The following MTCL1 variants were observed in gnomAD, a reference collection of about 807,000 sequenced individuals.
MTCL1 encodes microtubule crosslinking factor 1.
MTCL1 carries 79 observed loss-of-function variants against 141.4 expected under a neutral mutation model. The observed-to-expected ratio is 0.56, with a 90% CI of 0.47 to 0.67. MTCL1 has a LOEUF of 0.67. Among genes scored for constraint, MTCL1 ranks in the 30% least tolerant of loss-of-function variants. The probability of loss-of-function intolerance (pLI) is 0.00; values close to 1 mark genes in which losing one functional copy is unlikely to be tolerated. For synonymous variants in MTCL1, 914 were observed against 875.8 expected, an observed-to-expected ratio of 1.04 and a Z score of -0.77; for missense variants, 2,177 against 2,113.9, an observed-to-expected ratio of 1.03 and a Z score of -0.59.
chr18:8,706,453 G>A, exon 1 of MTCL1: 2 of 1,235,512 alleles, frequency 1.6e-6, no homozygotes, highest in Non-Finnish European at 2.0e-6. Context: ...GGGCAGCCCC[G>A]AGCCCCCAGC....
At chr18:8,792,946 TCAGG>T (rs1555659841) in intron 7 of MTCL1, 48 bp from the exon 7 acceptor site, 3 of 1,605,926 alleles carry the variant, frequency 1.9e-6, no homozygotes, top group Non-Finnish European at 2.6e-6. Context: ...CGTCGTCACC[TCAGG>T]CAGAGTTCTC....
At chr18:8,720,556 C>T in intron 4 of MTCL1, 60 bp downstream of exon 3, 1 of 1,515,832 alleles carries the variant, frequency 6.6e-7, no homozygotes, top group Non-Finnish European at 8.9e-7. Flanking sequence ...GCTTGGAACT[C>T]CAAGTGCCCC....
At chr18:8,735,782 C>T (rs961665493) in intron 4 of MTCL1, among the ~76,000 whole-genome samples, 6 of 152,140 alleles carry the variant, frequency 3.9e-5, no homozygotes, top group Non-Finnish European at 2.9e-5. Context: ...GCACACCTCC[C>T]CTTGAGAAAC....
chr18:8,722,384 C>A (rs181685885), intron 4 of MTCL1, among the ~76,000 whole-genome samples: 1 of 152,072 alleles, frequency 6.6e-6, no homozygotes, highest in Non-Finnish European at 1.5e-5. Flanking sequence ...CACAGCAAGA[C>A]CCTGTTTCTT....
chr18:8,753,836 C>CATG (rs2096384000), intron 4 of MTCL1, among the ~76,000 whole-genome samples: 1 of 152,044 alleles, frequency 6.6e-6, no homozygotes, highest in Admixed American at 6.6e-5. Context: ...GTAAGAGGCC[C>CATG]ATGAAGACTG....
rs146378075 is a variant in MTCL1 at position 8,774,445 on chromosome 18, C to CTTTCTTTCT, written c.358-3362_358-3354dup. ...TATACAGGTTCTGCAAATTTCTGGT[C>CTTTCTTTCT]TTTCTTTCTTTTCTTTCTTTTCTTT... On this transcript the variant is annotated intron_variant, in intron 4 of 16. Coordinates refer to ENST00000359865, the Ensembl canonical transcript of MTCL1. 2.0e-4 allele frequency among the ~76,000 whole-genome samples: 30 copies of CTTTCTTTCT among 151,122 alleles called. No homozygotes were observed. In the South Asian group the frequency reaches 2.1e-3, roughly 11 times the overall value.
chr18:8,816,432 T>C (rs2144304830), intron 12 of MTCL1, among the ~76,000 whole-genome samples: 1 of 152,352 alleles, frequency 6.6e-6, no homozygotes, highest in Non-Finnish European at 1.5e-5. Context: ...GATGTATGAC[T>C]GTGGGAATGT....
rs530533227 is a variant in MTCL1, at chr18:8,709,009, G to A, written c.1053+2296G>A. Among the ~76,000 whole-genome samples, 8 of 152,294 alleles carry A rather than the reference G, an allele frequency of 5.3e-5. No homozygotes were observed. The South Asian group carries it at 1.5e-3, about 28-fold the overall frequency. ...CAATAGTTCAATTCGGGAAGGAAAC[G>A]CAGGGATCCTAATGGACTTTTCTAC... On this transcript the variant is annotated intron_variant, in intron 1 of 13. Transcript: ENST00000306329.
intron 4 of MTCL1, among the ~76,000 whole-genome samples, chr18:8,771,697 A>G (rs1045952936): frequency 9.9e-5 from 15 of 152,238 alleles, no homozygotes; most frequent in Non-Finnish European, 1.9e-4. Context: ...GCCTAACTTC[A>G]TATTTTATTT....
At chr18:8,771,772 A>AT (rs917337739) in intron 4 of MTCL1, among the ~76,000 whole-genome samples, 2 of 151,822 alleles carry the variant, frequency 1.3e-5, no homozygotes, top group African/African-American at 2.4e-5. Flanking sequence ...CACAAACTTA[A>AT]TTTTTTTTTC....
At chr18:8,733,940 G>A (rs115506429) in intron 4 of MTCL1, among the ~76,000 whole-genome samples, 1,838 of 152,178 alleles carry the variant, frequency 0.012, 36 homozygotes, top group African/African-American at 0.042. Context: ...ATCTTCCCTT[G>A]AGAAAGAGCC....
chr18:8,712,192 A>G (rs909600749), intron 1 of MTCL1, among the ~76,000 whole-genome samples: 8 of 152,186 alleles, frequency 5.3e-5, no homozygotes, highest in Admixed American at 2.6e-4. Context: ...CAGTTATTTC[A>G]TAGGAAATAT....
chr18:8,825,875 G>A (rs1865330969), exon 15 of MTCL1: 1 of 1,614,120 alleles, frequency 6.2e-7, no homozygotes, highest in Non-Finnish European at 8.5e-7. Flanking sequence ...ACAGCCCCGT[G>A]GTGCAGGACC....
intron 4 of MTCL1, among the ~76,000 whole-genome samples, chr18:8,775,408 T>TAAAAAAAAAAAAAAAAAAA (rs780102071): frequency 3.8e-4 from 35 of 92,972 alleles, no homozygotes; most frequent in African/African-American, 1.4e-3. Flanking sequence ...TCGTCTCTAC[T>TAAAAAAAAAAAAAAAAAAA]AAAAAAAAAA....
At chr18:8,739,288 T>C (rs2096289451) in intron 4 of MTCL1, among the ~76,000 whole-genome samples, 1 of 152,062 alleles carries the variant, frequency 6.6e-6, no homozygotes, top group Non-Finnish European at 1.5e-5. Context: ...TATGGGATGC[T>C]CAGGGGTGAG....
chr18:8,741,388 T>G (rs2096302475), intron 4 of MTCL1, among the ~76,000 whole-genome samples: 1 of 152,224 alleles, frequency 6.6e-6, no homozygotes, highest in Admixed American at 6.5e-5. Context: ...AATAAATTGC[T>G]TATAATAGCA....
exon 17 of MTCL1, chr18:8,831,737 G>A (rs1207101835): frequency 4.5e-6 from 7 of 1,550,354 alleles, no homozygotes; most frequent in Admixed American, 3.9e-5. Context: ...CAGTCACCCG[G>A]AGACCCGACG....
intron 1 of MTCL1, among the ~76,000 whole-genome samples, chr18:8,708,493 A>G (rs188001321): frequency 7.5e-4 from 114 of 152,236 alleles, no homozygotes; most frequent in African/African-American, 2.4e-3. Context: ...ACAGACGGAG[A>G]TGCTGAGAAC....
At position 8,730,328 on chromosome 18, in the gene MTCL1, C is replaced by T. The variant is rs146203200; in HGVS notation, c.357+9832C>T. ...ATGTCTGTGTCTCTCTACACAGCCCCGTCCTTATGAAACGCTGGATAAATA... is the reference window on the plus strand; with the variant it reads ...ATGTCTGTGTCTCTCTACACAGCCCTGTCCTTATGAAACGCTGGATAAATA... On this transcript the variant is annotated intron_variant, in intron 4 of 16. Transcript: ENST00000359865. Among the ~76,000 whole-genome samples the T allele has an allele frequency of 7.2e-5, 11 of 152,222 alleles. No individual in the cohort carries two copies. The East Asian group carries it at 1.2e-3, about 16-fold the overall frequency.
Sources: allele counts gnomAD v4.1 joint callset (sites outside exome capture counted in the v4.1 genomes callset), GRCh38; gene constraint gnomAD v4.1.1; transcripts MANE v1.5; gene names NCBI Gene and HGNC (gene_info 2026-07-23, HGNC 2026-07-21).